Variants in FILIP1L observed in about 807,000 individuals in gnomAD.
FILIP1L encodes filamin A interacting protein 1 like.
Under a neutral mutation model 96.6 loss-of-function variants are expected in FILIP1L, and 55 were observed. That is an observed-to-expected ratio of 0.57 (90% CI 0.46 to 0.71). The LOEUF (loss-of-function observed/expected upper bound fraction) is 0.71, where lower values mean the gene tolerates loss of function less well. FILIP1L is among the 30% of genes least tolerant of loss of function. The probability of loss-of-function intolerance (pLI) is 0.00; values close to 1 mark genes in which losing one functional copy is unlikely to be tolerated. For synonymous variants in FILIP1L, 467 were observed against 473.9 expected (o/e 0.99, Z 0.19); for missense variants, 1,304 against 1,321.2 (o/e 0.99, Z 0.20).
intron 1 of FILIP1L, among the ~76,000 whole-genome samples, chr3:99,995,717 C>G (rs1037390542): frequency 4.6e-5 from 7 of 152,246 alleles, no homozygotes; most frequent in Non-Finnish European, 1.0e-4. Context: ...GACTTCTGTG[C>G]ACTCACAGGT....
intron 1 of FILIP1L, among the ~76,000 whole-genome samples, chr3:100,008,394 A>T (rs976504188): frequency 2.0e-5 from 3 of 152,138 alleles, no homozygotes; most frequent in Admixed American, 1.3e-4. Flanking sequence ...ATTTTCCAAG[A>T]TTTTCATATG....
chr3:99,983,462 GTGTATATATATATATATATATATATA>G (rs1296822629), intron 1 of FILIP1L, among the ~76,000 whole-genome samples: 351 of 11,968 alleles, frequency 0.029, 19 homozygotes, highest in African/African-American at 0.07. Context: ...ATATATATGT[GTGTATATATATATATATATATATATA>G]TATATATATA....
chr3:100,030,470 A>G lies in FILIP1L; in HGVS notation c.-11+83583T>C, dbSNP rs551595492. Among the ~76,000 whole-genome samples, 12 of 152,226 alleles carry G rather than the reference A, an allele frequency of 7.9e-5. No homozygotes were observed. In the East Asian group the frequency reaches 1.7e-3, roughly 22 times the overall value. ...AATAGGGTAATGATTCGTCCTCCCT[A>G]CTTAAGGCATTATTGCTCATTCTCA... On this transcript the variant is annotated intron_variant, in intron 1 of 5. Transcript: ENST00000477258.
intron 4 of FILIP1L, among the ~76,000 whole-genome samples, chr3:99,921,305 C>T (rs1707116680): frequency 6.6e-6 from 1 of 152,092 alleles, no homozygotes; most frequent in Admixed American, 6.5e-5. Flanking sequence ...CATTAGTTTC[C>T]CCCACTTCCT....
chr3:100,027,577 C>T (rs1349422471), intron 1 of FILIP1L, among the ~76,000 whole-genome samples: 1 of 152,146 alleles, frequency 6.6e-6, no homozygotes, highest in Non-Finnish European at 1.5e-5. Flanking sequence ...CATGTACCCT[C>T]CTACTTCCAC....
At chr3:100,109,445 A>ACC (rs1332847374) in intron 1 of FILIP1L, among the ~76,000 whole-genome samples, 5 of 152,164 alleles carry the variant, frequency 3.3e-5, no homozygotes, top group Admixed American at 3.3e-4. Flanking sequence ...CAGTTCCATC[A>ACC]CCCGAGATGT....
chr3:100,024,659 G>T (rs946650605), intron 1 of FILIP1L, among the ~76,000 whole-genome samples: 2 of 152,232 alleles, frequency 1.3e-5, no homozygotes, highest in East Asian at 1.9e-4. Flanking sequence ...TGGAAGAAAT[G>T]CATGGGATAT....
chr3:99,977,592 A>G (rs952503524), intron 1 of FILIP1L, among the ~76,000 whole-genome samples: 2 of 152,220 alleles, frequency 1.3e-5, no homozygotes, highest in African/African-American at 4.8e-5. Context: ...CATGAAATAA[A>G]TTTCAACAAC....
intron 1 of FILIP1L, among the ~76,000 whole-genome samples, chr3:99,976,880 C>T (rs1170524609): frequency 6.6e-6 from 1 of 152,130 alleles, no homozygotes; most frequent in African/African-American, 2.4e-5. Flanking sequence ...TGGCTTCCTA[C>T]CTTGCCCCCA....
chr3:99,954,064 G>A (rs1051914077), intron 1 of FILIP1L, among the ~76,000 whole-genome samples: 1 of 152,250 alleles, frequency 6.6e-6, no homozygotes, highest in African/African-American at 2.4e-5. Flanking sequence ...AGAAGGTGGT[G>A]GCATCTCAGT....
chr3:100,058,787 A>C (rs1186561918), intron 1 of FILIP1L, among the ~76,000 whole-genome samples: 4 of 152,236 alleles, frequency 2.6e-5, no homozygotes, highest in African/African-American at 9.6e-5. Context: ...TAGAACACTG[A>C]GTTAAGCCAT....
chr3:99,855,846 A>G (rs1943936120), intron 4 of FILIP1L, among the ~76,000 whole-genome samples: 1 of 152,216 alleles, frequency 6.6e-6, no homozygotes, highest in Admixed American at 6.5e-5. Flanking sequence ...TAGTTGTAAA[A>G]GGATATATTT....
intron 4 of FILIP1L, among the ~76,000 whole-genome samples, chr3:99,894,411 G>A (rs1706185051): frequency 1.3e-5 from 2 of 152,186 alleles, no homozygotes; most frequent in South Asian, 4.1e-4. Context: ...TTAGCTTTGT[G>A]TGCTGGTGTG....
intron 1 of FILIP1L, among the ~76,000 whole-genome samples, chr3:100,013,569 A>G (rs1710230015): frequency 6.6e-6 from 1 of 152,166 alleles, no homozygotes; most frequent in African/African-American, 2.4e-5. Context: ...TTAGATAAAA[A>G]GTATGTAGAG....
chr3:99,982,116 A>G (rs376443898), intron 1 of FILIP1L, among the ~76,000 whole-genome samples: 6 of 152,226 alleles, frequency 3.9e-5, no homozygotes, highest in Non-Finnish European at 8.8e-5. Flanking sequence ...GTATAATGTT[A>G]TAATTAGTTT....
intron 1 of FILIP1L, among the ~76,000 whole-genome samples, chr3:100,110,454 C>A (rs1405289083): frequency 6.6e-6 from 1 of 152,072 alleles, no homozygotes; most frequent in Non-Finnish European, 1.5e-5. Flanking sequence ...AGTGATTGTC[C>A]CTGGATCCAT....
intron 1 of FILIP1L, among the ~76,000 whole-genome samples, chr3:100,074,547 A>G (rs2065815591): frequency 6.6e-6 from 1 of 152,130 alleles, no homozygotes; most frequent in Non-Finnish European, 1.5e-5. Flanking sequence ...TGGCAAAATT[A>G]TAATAAAATA....
At chr3:99,856,561 A>G (rs900314207) in intron 4 of FILIP1L, among the ~76,000 whole-genome samples, 3 of 152,248 alleles carry the variant, frequency 2.0e-5, no homozygotes, top group Non-Finnish European at 2.9e-5. Flanking sequence ...GGCTTAAAGC[A>G]GTATCTTATT....
rs1009779464 is a variant in FILIP1L at position 99,848,572 on chromosome 3, G to A, written c.3104C>T (p.Ser1035Phe). 2 of 1,614,054 alleles carry A rather than the reference G, an allele frequency of 1.2e-6. No homozygotes were observed. The highest frequency in any genetic ancestry group is 1.7e-6 in the Non-Finnish European group (2 of 1,180,028). The change falls in exon 5 of 6, where the codon TCC becomes TTC. Residue 1035 changes from serine to phenylalanine, a missense_variant. Coordinates refer to ENST00000477258, the MANE Select transcript of FILIP1L (RefSeq NM_001387850.1). ...ISAKHAIFRVSPDRQSSWQFQ... is the reference protein window; with the variant it reads ...ISAKHAIFRVFPDRQSSWQFQ... ...CTGCCATGATGACTGCCGGTCTGGGGAGACTCTGAATATCGCATGCTTGGC... is the reference window on the plus strand; with the variant it reads ...CTGCCATGATGACTGCCGGTCTGGGAAGACTCTGAATATCGCATGCTTGGC...
Sources: gnomAD v4.1 joint callset for allele counts (sites outside exome capture counted in the v4.1 genomes callset) on GRCh38, gnomAD v4.1.1 for gene constraint, MANE v1.5 for transcripts, NCBI Gene and HGNC (gene_info 2026-07-23, HGNC 2026-07-21) for gene names.